The following CFAP54 variants were observed in gnomAD, a reference collection of about 807,000 sequenced individuals.
CFAP54 encodes the protein cilia and flagella associated protein 54.
Under a neutral mutation model 370.4 loss-of-function variants are expected in CFAP54, and 290 were observed. The observed-to-expected ratio is 0.78, with a 90% CI of 0.71 to 0.86. The LOEUF (loss-of-function observed/expected upper bound fraction) is 0.86. CFAP54 is among the 40% of genes least tolerant of loss of function. The probability of loss-of-function intolerance (pLI) is 0.00; values close to 1 mark genes in which losing one functional copy is unlikely to be tolerated. For synonymous variants in CFAP54, 1,206 were observed against 1,236.5 expected (o/e 0.98, Z 0.52); for missense variants, 3,399 against 3,528.7 (o/e 0.96, Z 0.93).
chr12:96,674,356 T>G (rs1957180334), intron 39 of CFAP54, among the ~76,000 whole-genome samples: 1 of 148,124 alleles, frequency 6.8e-6, no homozygotes, highest in Non-Finnish European at 1.5e-5. Context: ...TTTTTTTGCT[T>G]CTTCTCCTCC....
intron 8 of CFAP54, among the ~76,000 whole-genome samples, chr12:96,523,198 A>C (rs1156634153): frequency 6.6e-6 from 1 of 152,184 alleles, no homozygotes; most frequent in Admixed American, 6.5e-5. Context: ...AGGTGTATCA[A>C]ATCTCAGAAC....
intron 32 of CFAP54, among the ~76,000 whole-genome samples, chr12:96,642,644 C>T (rs913699278): frequency 1.1e-4 from 16 of 152,268 alleles, no homozygotes; most frequent in Admixed American, 2.6e-4. Context: ...AATGTCAATA[C>T]GCTAGCTTAT....
intron 40 of CFAP54, chr12:96,682,379 T>G (rs1219751033): frequency 1.1e-6 from 1 of 944,938 alleles, no homozygotes; most frequent in Admixed American, 6.2e-5. Context: ...TAAATTTTTT[T>G]TTTTTTGAGA....
chr12:96,746,850 A>G (rs1018939415), intron 55 of CFAP54, among the ~76,000 whole-genome samples: 1 of 151,948 alleles, frequency 6.6e-6, no homozygotes, highest in Non-Finnish European at 1.5e-5. Flanking sequence ...TCTCCTCCCC[A>G]CTACTCACTG....
At chr12:96,513,952 TCTTA>T (rs1396230217) in intron 5 of CFAP54, among the ~76,000 whole-genome samples, 1 of 152,156 alleles carries the variant, frequency 6.6e-6, no homozygotes, top group Non-Finnish European at 1.5e-5. Flanking sequence ...ATAATAAGAT[TCTTA>T]CTTACCAGTA....
chr12:96,667,498 T>C (rs1227485618), intron 39 of CFAP54, among the ~76,000 whole-genome samples: 1 of 152,222 alleles, frequency 6.6e-6, no homozygotes, highest in Non-Finnish European at 1.5e-5. Context: ...TGTGGAAACT[T>C]CCAAAGCTTG....
At chr12:96,786,576 G>C (rs1206564390) in intron 61 of CFAP54, 99 bp from the exon 62 acceptor site, 8 of 817,016 alleles carry the variant, frequency 9.8e-6, no homozygotes, top group Admixed American at 5.5e-5. Context: ...GCGGAGGTGG[G>C]AATATGTAAC....
intron 32 of CFAP54, among the ~76,000 whole-genome samples, chr12:96,632,282 G>C (rs527791220): frequency 6.6e-6 from 1 of 152,006 alleles, no homozygotes; most frequent in South Asian, 2.1e-4. Context: ...TAATTCAAAA[G>C]TTTTAATTCT....
intron 66 of CFAP54, among the ~76,000 whole-genome samples, chr12:96,848,044 C>T (rs1028055330): frequency 3.9e-5 from 6 of 152,158 alleles, no homozygotes; most frequent in Admixed American, 3.9e-4. Context: ...TTATTCTCTG[C>T]AAAATGCCTT....
chr12:96,832,797 G>A (rs1169430734), intron 66 of CFAP54, among the ~76,000 whole-genome samples: 1 of 152,154 alleles, frequency 6.6e-6, no homozygotes, highest in Non-Finnish European at 1.5e-5. Context: ...CTATATTGCA[G>A]GATCCCAACA....
At chr12:96,664,687 GGGTA>G (rs1163936334) in intron 39 of CFAP54, among the ~76,000 whole-genome samples, 2 of 72,128 alleles carry the variant, frequency 2.8e-5, no homozygotes, top group East Asian at 3.1e-4. Flanking sequence ...ATATTCCTTT[GGGTA>G]TATATCTATA....
intron 60 of CFAP54, among the ~76,000 whole-genome samples, chr12:96,774,950 C>T (rs191236393): frequency 1.2e-3 from 188 of 152,226 alleles, no homozygotes; most frequent in Non-Finnish European, 1.5e-3. Flanking sequence ...GATATTTTCT[C>T]CACTTGGTCA....
chr12:96,509,784 C>A (rs1224893506), intron 4 of CFAP54, among the ~76,000 whole-genome samples: 7 of 150,508 alleles, frequency 4.7e-5, no homozygotes, highest in African/African-American at 1.5e-4. Flanking sequence ...CCACTGCACT[C>A]CAGCTTGGGT....
Position 96,626,929 on chromosome 12 carries a change from T to G in CFAP54, c.4093T>G (p.Phe1365Val). 4.4e-6 allele frequency: 6 copies of G among 1,371,446 alleles called. No homozygotes were observed. The highest frequency in any genetic ancestry group is 5.7e-6 in the Non-Finnish European group (6 of 1,054,258). The allele number at this position is 1,371,446 out of a possible 1,614,324, so 85.0% of individuals were successfully genotyped here. A position where few individuals can be genotyped will look rare whatever the true frequency, so the allele number is the denominator to read the frequency against. The change falls in exon 30 of 68, where the codon TTC (phenylalanine) becomes GTC (valine). Residue 1365 changes from phenylalanine to valine, a missense_variant. Coordinates refer to ENST00000524981, the MANE Select transcript of CFAP54 (RefSeq NM_001306084.2). ...MVEVTTPVHD[F>V]LKRRNESLLG... ...AGAGGTAACAACTCCTGTCCATGAC[T>G]TCTTGAAAAGGTACTTGCAATTATC...
chr12:96,796,444 ATTGT>A (rs1299502802), intron 63 of CFAP54, among the ~76,000 whole-genome samples: 1 of 151,686 alleles, frequency 6.6e-6, no homozygotes, highest in Non-Finnish European at 1.5e-5. Context: ...TTTTTATTTG[ATTGT>A]TTGTTAGAAC....
intron 32 of CFAP54, among the ~76,000 whole-genome samples, chr12:96,638,251 A>G (rs1028552334): frequency 9.6e-5 from 14 of 145,330 alleles, no homozygotes; most frequent in Admixed American, 2.8e-4. Context: ...GTATATATAT[A>G]TATATTTATT....
intron 39 of CFAP54, among the ~76,000 whole-genome samples, chr12:96,678,017 G>T (rs1056319750): frequency 1.3e-5 from 2 of 152,138 alleles, no homozygotes; most frequent in Non-Finnish European, 2.9e-5. Flanking sequence ...CTGGGTCATT[G>T]TCTGTTACCC....
At chr12:96,677,006 T>A (rs939329126) in intron 39 of CFAP54, among the ~76,000 whole-genome samples, 1 of 32,916 alleles carries the variant, frequency 3.0e-5, no homozygotes, top group Non-Finnish European at 5.1e-5. Flanking sequence ...AAATTTCTTT[T>A]CTTTTCTTTT....
intron 27 of CFAP54, 64 bp downstream of exon 27, chr12:96,621,785 G>T: frequency 8.9e-7 from 1 of 1,120,362 alleles, no homozygotes; most frequent in Non-Finnish European, 1.1e-6. Context: ...GGGTAATGTA[G>T]TATTATTAAA....
Sources: allele counts gnomAD v4.1 joint callset (sites outside exome capture counted in the v4.1 genomes callset), GRCh38; gene constraint gnomAD v4.1.1; transcripts MANE v1.5; gene names NCBI Gene and HGNC (gene_info 2026-07-23, HGNC 2026-07-21).